Variants in MYOF observed in about 807,000 individuals in gnomAD.
MYOF encodes the protein fer-1-like 3, myoferlin.
In MYOF, 244 loss-of-function variants were observed where a neutral mutation model predicts 284.2. That is an observed-to-expected ratio of 0.86 (90% confidence interval 0.77 to 0.95). The LOEUF is 0.95. Ranked by LOEUF, MYOF falls within the 40% of genes least tolerant of loss-of-function variation. The probability of loss-of-function intolerance (pLI) is 0.00; values close to 1 mark genes in which losing one functional copy is unlikely to be tolerated. For synonymous variants in MYOF, 904 were observed against 919.7 expected, an observed-to-expected ratio of 0.98 and a Z score of 0.31; for missense variants, 2,496 against 2,560.6, an observed-to-expected ratio of 0.97 and a Z score of 0.54.
chr10:93,350,005 C>T, intron 35 of MYOF, 36 bp from the exon 36 acceptor site: 1 of 1,586,090 alleles, frequency 6.3e-7, no homozygotes. Flanking sequence ...GAAGGTAACT[C>T]AGCACTTTAA....
chr10:93,346,504 C>G (rs787700), intron 37 of MYOF, among the ~76,000 whole-genome samples: 55,753 of 152,208 alleles, frequency 0.37, 12,272 homozygotes, highest in Middle Eastern at 0.53. Context: ...AACACAGTCC[C>G]TAGCACATGG....
intron 39 of MYOF, among the ~76,000 whole-genome samples, chr10:93,338,963 T>C (rs1427631453): frequency 1.3e-5 from 2 of 149,734 alleles, no homozygotes; most frequent in Non-Finnish European, 3.0e-5. Context: ...GAATGTCACC[T>C]GCAGTAGAGC....
In MYOF at chr10:93,310,006, G is replaced by A; in HGVS notation, c.6147+14C>T. 1.9e-6 allele frequency: 3 copies of A among 1,613,984 alleles called. No homozygotes were observed. Among genetic ancestry groups the A allele is most frequent in the Non-Finnish European group, 2.5e-6 (3 of 1,179,962 alleles). On this transcript the variant is annotated intron_variant, in intron 53 of 53. Coordinates refer to ENST00000359263, the MANE Select transcript of MYOF (RefSeq NM_013451.4). ...CAAGAAAGCCAAGACAAGGGGCCAA[G>A]GAAGGGCTCCTACCGGCAAAGAGTA...
rs553522806 is a variant in MYOF, at chr10:93,436,574, G to A, written c.237-5058C>T. The stretch of plus-strand genomic sequence containing the variant: ...ACATTTTTACAACAAGCTGACTTCA[G>A]GAAAAATTCAAACAGAACTTCTAGG... On this transcript the variant is annotated intron_variant, in intron 3 of 53. Transcript: ENST00000359263. Among the ~76,000 whole-genome samples the A allele has an allele frequency of 2.7e-4, 41 of 152,238 alleles. No homozygotes were observed. The South Asian group carries it at 8.5e-3, about 32-fold the overall frequency.
intron 32 of MYOF, among the ~76,000 whole-genome samples, chr10:93,352,793 G>A (rs549982041): frequency 6.5e-4 from 99 of 151,338 alleles, no homozygotes; most frequent in African/African-American, 2.3e-3. Flanking sequence ...CAAGAACTTT[G>A]GAAAGATGTT....
chr10:93,427,297 C>T lies in MYOF; in HGVS notation c.346-1139G>A, dbSNP rs191352396. ...CACTTTTAATCCCAGCACTGGGAGG[C>T]CAAGGTGGGTGGATCACAAGGTCAG... On this transcript the variant is annotated intron_variant, in intron 4 of 53. Transcript: ENST00000359263. Among the ~76,000 whole-genome samples the T allele has an allele frequency of 1.4e-3, 215 of 151,666 alleles. 4 individuals carry two copies. Among genetic ancestry groups the T allele is most frequent in the African/African-American group, 5.1e-3 (211 of 41,354 alleles).
chr10:93,340,240 A>G (rs1338269664), intron 38 of MYOF, 76 bp from the exon 39 acceptor site: 1 of 1,524,428 alleles, frequency 6.6e-7, no homozygotes, highest in Non-Finnish European at 9.0e-7. Context: ...CCCCAGGAAC[A>G]TGAAGTTTAA....
At chr10:93,465,855 TC>T (rs965098838) in intron 1 of MYOF, among the ~76,000 whole-genome samples, 10 of 152,058 alleles carry the variant, frequency 6.6e-5, no homozygotes, top group African/African-American at 1.2e-4. Context: ...CCTCCTTGCA[TC>T]CCCCCAGGGA....
At chr10:93,424,506 C>G (rs1848496070) in intron 5 of MYOF, among the ~76,000 whole-genome samples, 1 of 151,994 alleles carries the variant, frequency 6.6e-6, no homozygotes, top group Non-Finnish European at 1.5e-5. Context: ...CATGGATGTT[C>G]TTGAGCCACT....
At chr10:93,353,737 C>G in intron 32 of MYOF, 74 bp downstream of exon 32, 4 of 1,231,036 alleles carry the variant, frequency 3.2e-6, no homozygotes, top group Non-Finnish European at 4.6e-6. Context: ...TGACAAAAAG[C>G]ATTCACTCGA....
chr10:93,434,366 G>A (rs1227385685), intron 3 of MYOF, among the ~76,000 whole-genome samples: 2 of 150,756 alleles, frequency 1.3e-5, no homozygotes, highest in African/African-American at 4.9e-5. Context: ...GTGAGGCAGA[G>A]GTTGCAGTGA....
In MYOF at chr10:93,323,302, A is replaced by C; in HGVS notation, c.5328T>G (p.Pro1776=). The change falls in exon 47 of 54, where the codon CCT becomes CCG. Residue 1776 remains proline, a synonymous_variant. Coordinates refer to ENST00000359263, the MANE Select transcript of MYOF (RefSeq NM_013451.4). ...CTTTCCGGGGTGTGATGTTGAAAGG[A>C]GGGCCTGGTGGCCCCAAACTCTTGG... ...VFPKSLGPPG[P]PFNITPRKAK... 1 of 1,614,082 alleles carries C rather than the reference A, an allele frequency of 6.2e-7. No individual in the cohort carries two copies. Among genetic ancestry groups the C allele is most frequent in the Non-Finnish European group, 8.5e-7 (1 of 1,179,952 alleles).
At chr10:93,402,395 T>C (rs1369458203) in intron 10 of MYOF, 48 bp from the exon 11 acceptor site, 13 of 1,425,430 alleles carry the variant, frequency 9.1e-6, no homozygotes, top group Non-Finnish European at 1.3e-5. Flanking sequence ...AAAAAGGTAC[T>C]GATAAGTCTG....
chr10:93,342,737 A>T (rs1295415072), intron 38 of MYOF, among the ~76,000 whole-genome samples: 1 of 152,242 alleles, frequency 6.6e-6, no homozygotes, highest in African/African-American at 2.4e-5. Context: ...GAGAGATGGC[A>T]AACCTGGAGG....
chr10:93,426,188 A>G lies in MYOF; in HGVS notation c.346-30T>C, dbSNP rs1303093571. ...GTAGAAATAATTCGTTGCAAATATT[A>G]TCAGTGCAGGGCACCAGCATGTTAT... On this transcript the variant is annotated intron_variant, in intron 4 of 53. Coordinates refer to ENST00000359263, the MANE Select transcript of MYOF (RefSeq NM_013451.4). 1.9e-6 allele frequency: 3 copies of G among 1,548,090 alleles called. No individual in the cohort carries two copies. In the African/African-American group the frequency reaches 4.1e-5, roughly 21 times the overall value.
At position 93,333,307 on chromosome 10, in the gene MYOF, G is replaced by T. The variant is rs761525759; in HGVS notation, c.4725C>A (p.Asp1575Glu). The part of the protein sequence containing the change: ...LQPQDNNGLC[D>E]PYIKITLGKK... Reference sequence around the variant, plus strand: ...TGCCCAGTGTTATTTTTATGTAAGGGTCACACTGTGGGACAAAATAGACGG... The same window carrying T: ...TGCCCAGTGTTATTTTTATGTAAGGTTCACACTGTGGGACAAAATAGACGG... Residue 1575 changes from aspartate to glutamate, a missense_variant, in exon 43 of 54, where the codon GAC becomes GAA. Coordinates refer to ENST00000359263, the MANE Select transcript of MYOF (RefSeq NM_013451.4). The T allele has an allele frequency of 5.0e-6, 8 of 1,613,428 alleles. No individual in the cohort carries two copies. The highest frequency in any genetic ancestry group is 6.8e-6 in the Non-Finnish European group (8 of 1,179,480).
chr10:93,423,687 G>GC (rs1848452528), intron 5 of MYOF, among the ~76,000 whole-genome samples: 1 of 151,622 alleles, frequency 6.6e-6, no homozygotes, highest in Admixed American at 6.6e-5. Flanking sequence ...CAAAAAATTA[G>GC]CTGGACGTGG....
intron 31 of MYOF, 112 bp from the exon 32 acceptor site, chr10:93,354,000 A>C (rs1844663739): frequency 3.8e-6 from 3 of 785,920 alleles, no homozygotes; most frequent in Non-Finnish European, 4.1e-6. Flanking sequence ...ACTTGAATCT[A>C]TTATAGTTCC....
chr10:93,333,313 C>T lies in MYOF; in HGVS notation c.4720-1G>A, dbSNP rs752736931. The T allele has an allele frequency of 1.7e-5, 27 of 1,612,898 alleles. No homozygotes were observed. Among genetic ancestry groups the T allele is most frequent in the African/African-American group, 4.0e-5 (3 of 74,894 alleles). On this transcript the variant is annotated splice_acceptor_variant, in intron 42 of 53. Transcript: ENST00000359263. LOFTEE classifies it high-confidence loss of function. ...GTGTTATTTTTATGTAAGGGTCACA[C>T]TGTGGGACAAAATAGACGGGATGTT...
Sources: allele counts gnomAD v4.1 joint callset (sites outside exome capture counted in the v4.1 genomes callset), GRCh38; gene constraint gnomAD v4.1.1; transcripts MANE v1.5; gene names NCBI Gene and HGNC (gene_info 2026-07-23, HGNC 2026-07-21).